GOLGA8A: variants seen among roughly 807,000 people sequenced by gnomAD.
The protein encoded by GOLGA8A is golgin subfamily A member 8A.
GOLGA8A carries 3 observed loss-of-function variants against 22.1 expected under a neutral mutation model. That is an observed-to-expected ratio of 0.14 (90% CI 0.06 to 0.35). The LOEUF (loss-of-function observed/expected upper bound fraction) is 0.35, where lower values mean the gene tolerates loss of function less well. GOLGA8A is among the 10% of genes least tolerant of loss of function. GOLGA8A has a pLI of 1.00. For missense variants in GOLGA8A, 16 were observed against 233.2 expected, an observed-to-expected ratio of 0.07 and a Z score of 6.07; for synonymous variants, 7 against 91.7, an observed-to-expected ratio of 0.08 and a Z score of 5.28.
chr15:34,405,905 G>A (rs1226075053), intron 4 of GOLGA8A, among the ~76,000 whole-genome samples: 6,805 of 121,546 alleles, frequency 0.056, 5 homozygotes, highest in African/African-American at 0.12. Context: ...AATCAGAAAC[G>A]ACAAAGTTGG....
intron 2 of GOLGA8A, among the ~76,000 whole-genome samples, 157 bp downstream of exon 2, chr15:34,435,226 C>A (rs962912913): frequency 6.7e-6 from 1 of 149,318 alleles, no homozygotes; most frequent in African/African-American, 2.5e-5. Flanking sequence ...GCCCTCACTG[C>A]AGCCACCGCG....
chr15:34,424,489 G>GT (rs1718203441), intron 2 of GOLGA8A, among the ~76,000 whole-genome samples: 1 of 146,594 alleles, frequency 6.8e-6, no homozygotes, highest in Non-Finnish European at 1.5e-5. Flanking sequence ...CTGAAGCAAG[G>GT]TGGGCAGGCA....
At chr15:34,435,597 A>G (rs1051723832) in intron 1 of GOLGA8A, 126 bp from the exon 2 acceptor site, 2 of 149,002 alleles carry the variant, frequency 1.3e-5, no homozygotes, top group Non-Finnish European at 1.5e-5. Flanking sequence ...GAGAATGAGG[A>G]GCTGATGGTC....
At chr15:34,434,736 C>T (rs780695434) in intron 2 of GOLGA8A, among the ~76,000 whole-genome samples, 3 of 149,384 alleles carry the variant, frequency 2.0e-5, no homozygotes, top group Middle Eastern at 3.2e-3. Flanking sequence ...GGTGAGCAAG[C>T]GTCTCAAACC....
rs1324564748 is a variant in GOLGA8A, at chr15:34,424,479, CTG to C, written c.-1123+10902_-1123+10903del. Among the ~76,000 whole-genome samples, 2 of 145,806 alleles carry C rather than the reference CTG, an allele frequency of 1.4e-5. 1 individual carries two copies. Among genetic ancestry groups the C allele is most frequent in the Non-Finnish European group, 3.0e-5 (2 of 66,096 alleles). ...CAAACCATTTACATCACCAGAGAGACTGAAGCAAGGTGGGCAGGCAGTCCACA... is the reference window on the plus strand; with the variant it reads ...CAAACCATTTACATCACCAGAGAGACAAGCAAGGTGGGCAGGCAGTCCACA... On this transcript the variant is annotated intron_variant, in intron 2 of 24. Coordinates refer to ENST00000359187, the MANE Select transcript of GOLGA8A (RefSeq NM_181077.5).
In GOLGA8A at chr15:34,436,807, A is replaced by C. The variant is rs180976; in HGVS notation, c.-1212+591T>G. ...GGGCCCTGCAGAGGCGCAGGTCCGC[A>C]CCGTGCCCCCAACCCGGCGCCTGCA... On this transcript the variant is annotated intron_variant, in intron 1 of 24. Transcript: ENST00000359187. 8.0e-5 allele frequency among the ~76,000 whole-genome samples: 12 copies of C among 149,364 alleles called. 2 individuals carry two copies. The highest frequency in any genetic ancestry group is 4.5e-5 in the Non-Finnish European group (3 of 67,128).
At chr15:34,436,553 G>A (rs552656346) in intron 1 of GOLGA8A, among the ~76,000 whole-genome samples, 2 of 150,180 alleles carry the variant, frequency 1.3e-5, no homozygotes, top group Admixed American at 6.7e-5. Context: ...CTAAGGCTCT[G>A]CTCTCCACTG....
At position 34,411,454 on chromosome 15, in the gene GOLGA8A, GTGTC is replaced by G. The variant is rs1219716828; in HGVS notation, c.-1122-3723_-1122-3720del. Reference sequence around the variant, plus strand: ...TGTGTGTGTGTGTGTGTGTGTGTGTGTGTCTGTGTACTGAGAGCTTGGGTTTGGA... The same window carrying G: ...TGTGTGTGTGTGTGTGTGTGTGTGTGTGTGTACTGAGAGCTTGGGTTTGGA... On this transcript the variant is annotated intron_variant, in intron 2 of 24. Coordinates refer to ENST00000359187, the MANE Select transcript of GOLGA8A (RefSeq NM_181077.5). Among the ~76,000 whole-genome samples, 2 of 114,372 alleles carry G rather than the reference GTGTC, an allele frequency of 1.7e-5. 1 individual carries two copies. The highest frequency in any genetic ancestry group is 3.5e-5 in the Non-Finnish European group (2 of 56,704). 75.0% of individuals were successfully genotyped at this position (114,372 alleles called of 152,430 possible). A position where few individuals can be genotyped will look rare whatever the true frequency, so the allele number is the denominator to read the frequency against.
At chr15:34,433,468 G>A (rs150116362) in intron 2 of GOLGA8A, among the ~76,000 whole-genome samples, 2 of 149,422 alleles carry the variant, frequency 1.3e-5, no homozygotes, top group African/African-American at 4.9e-5. Context: ...CTTTGGGCTG[G>A]TTACCTTCCC....
intron 2 of GOLGA8A, chr15:34,417,775 G>C (rs1892632632): frequency 1.4e-5 from 2 of 147,634 alleles, no homozygotes; most frequent in Non-Finnish European, 3.0e-5. Context: ...GTTTTTCTAA[G>C]ATCTAGGATG....
chr15:34,428,086 A>T (rs1478856249), intron 2 of GOLGA8A, among the ~76,000 whole-genome samples: 2 of 147,000 alleles, frequency 1.4e-5, no homozygotes, highest in Non-Finnish European at 3.0e-5. Flanking sequence ...CTCTCCTTCA[A>T]ATCAGACTTC....
chr15:34,417,321 G>A (rs1157185084), intron 2 of GOLGA8A: 3 of 98,450 alleles, frequency 3.0e-5, no homozygotes, highest in Non-Finnish European at 4.5e-5. Context: ...CTCTTCTCTT[G>A]GTAACCCCAT....
intron 11 of GOLGA8A, chr15:34,387,152 TG>T: frequency 2.0e-6 from 1 of 499,432 alleles, no homozygotes; most frequent in South Asian, 1.9e-5. Context: ...TGACTCCTGA[TG>T]GGAAGTGGCT....
At chr15:34,406,035 C>A (rs1201944541) in intron 4 of GOLGA8A, among the ~76,000 whole-genome samples, 1 of 129,296 alleles carries the variant, frequency 7.7e-6, no homozygotes, top group Non-Finnish European at 1.7e-5. Context: ...CCATGTACAG[C>A]AAAGGACTCA....
chr15:34,436,353 G>A (rs1893509737), intron 1 of GOLGA8A, among the ~76,000 whole-genome samples: 1 of 149,788 alleles, frequency 6.7e-6, no homozygotes, highest in Non-Finnish European at 1.5e-5. Flanking sequence ...AGGCAGTTTA[G>A]CCCAAAAACA....
chr15:34,426,655 G>A (rs1010676529), intron 2 of GOLGA8A, among the ~76,000 whole-genome samples: 10 of 144,754 alleles, frequency 6.9e-5, no homozygotes, highest in African/African-American at 2.5e-4. Flanking sequence ...GATGGAGCCA[G>A]GGTCCTTCTC....
At chr15:34,431,774 AT>A (rs1893264522) in intron 2 of GOLGA8A, among the ~76,000 whole-genome samples, 1 of 148,566 alleles carries the variant, frequency 6.7e-6, no homozygotes, top group South Asian at 2.2e-4. Context: ...TTTTAAAAAA[AT>A]ATATTTTTAT....
chr15:34,420,206 T>C (rs534002154), intron 2 of GOLGA8A: 14 of 146,556 alleles, frequency 9.6e-5, no homozygotes, highest in African/African-American at 3.5e-4. Flanking sequence ...ACCAGCCGAT[T>C]CTCCCAGAAG....
chr15:34,427,505 C>T (rs1018620894), intron 2 of GOLGA8A, among the ~76,000 whole-genome samples: 9 of 148,354 alleles, frequency 6.1e-5, no homozygotes, highest in African/African-American at 2.0e-4. Flanking sequence ...AAAATTCTTC[C>T]TTCCAGCTCA....
Sources: allele counts gnomAD v4.1 joint callset (sites outside exome capture counted in the v4.1 genomes callset), GRCh38; gene constraint gnomAD v4.1.1; transcripts MANE v1.5; gene names NCBI Gene and HGNC (gene_info 2026-07-23, HGNC 2026-07-21).